Variants in HEMK2 observed in about 807,000 individuals in gnomAD.
HEMK2 encodes HemK methyltransferase 2, ETF1 glutamine and histone H4 lysine, also known as methyltransferase HEMK2.
the HEMK2 span, among the ~76,000 whole-genome samples, chr21:28,861,087 G>A: frequency 1.3e-5 from 2 of 152,204 alleles, no homozygotes; most frequent in African/African-American, 2.4e-5. Flanking sequence ...AATGTCTTGC[G>A]AAACAGATTC....
chr21:28,863,829 T>C, the HEMK2 span, among the ~76,000 whole-genome samples: 1 of 152,076 alleles, frequency 6.6e-6, no homozygotes, highest in Non-Finnish European at 1.5e-5. Context: ...GTCTTTTCTA[T>C]AATTTATTTA....
the HEMK2 span, among the ~76,000 whole-genome samples, chr21:28,618,322 CA>C: frequency 6.6e-6 from 1 of 152,096 alleles, no homozygotes; most frequent in African/African-American, 2.4e-5. Flanking sequence ...TTCACAAAAA[CA>C]AATATGTTTT....
chr21:28,814,991 C>T, the HEMK2 span, among the ~76,000 whole-genome samples: 1 of 152,054 alleles, frequency 6.6e-6, no homozygotes. Context: ...AAATGTCCAA[C>T]AATGATAGAC....
the HEMK2 span, among the ~76,000 whole-genome samples, chr21:28,814,162 G>T: frequency 6.6e-6 from 1 of 152,074 alleles, no homozygotes; most frequent in Non-Finnish European, 1.5e-5. Flanking sequence ...TCTTGAACCT[G>T]GGAGGCAGAG....
the HEMK2 span, among the ~76,000 whole-genome samples, chr21:28,591,943 G>C: frequency 6.6e-6 from 1 of 152,114 alleles, no homozygotes; most frequent in Non-Finnish European, 1.5e-5. Flanking sequence ...TCTTTATCCA[G>C]TCTACTATTG....
chr21:28,831,478 A>AGAAC, the HEMK2 span, among the ~76,000 whole-genome samples: 5 of 47,382 alleles, frequency 1.1e-4, no homozygotes, highest in East Asian at 2.9e-3. Context: ...AAAGAAAGAA[A>AGAAC]GAAAGAAAGA....
At chr21:28,821,163 A>C in the HEMK2 span, among the ~76,000 whole-genome samples, 1 of 152,082 alleles carries the variant, frequency 6.6e-6, no homozygotes, top group Admixed American at 6.6e-5. Flanking sequence ...TTTCCTGCCA[A>C]CCTTCCACTC....
At chr21:28,636,322 T>C in the HEMK2 span, among the ~76,000 whole-genome samples, 6 of 152,138 alleles carry the variant, frequency 3.9e-5, no homozygotes, top group Non-Finnish European at 7.3e-5. Context: ...CACCCCATGT[T>C]CTCCAGTTAG....
At chr21:28,823,360 G>A in the HEMK2 span, among the ~76,000 whole-genome samples, 5 of 152,168 alleles carry the variant, frequency 3.3e-5, no homozygotes, top group Non-Finnish European at 4.4e-5. Context: ...TCAATAGATC[G>A]TTGTTTGTTG....
the HEMK2 span, among the ~76,000 whole-genome samples, chr21:28,698,523 T>C: frequency 6.6e-6 from 1 of 152,124 alleles, no homozygotes; most frequent in Admixed American, 6.5e-5. Flanking sequence ...GAGATTCTTT[T>C]TTAAAGAATT....
At chr21:28,646,990 A>T in the HEMK2 span, among the ~76,000 whole-genome samples, 1 of 152,226 alleles carries the variant, frequency 6.6e-6, no homozygotes. Flanking sequence ...GGGGTGTGGT[A>T]AAGTCATATT....
At chr21:28,679,149 C>T in the HEMK2 span, among the ~76,000 whole-genome samples, 2 of 152,098 alleles carry the variant, frequency 1.3e-5, no homozygotes, top group Non-Finnish European at 2.9e-5. Flanking sequence ...TCAGGAAACC[C>T]ATCTCACATG....
the HEMK2 span, chr21:28,883,149 T>TAACA: frequency 4.3e-6 from 4 of 925,032 alleles, no homozygotes; most frequent in African/African-American, 1.7e-5. Flanking sequence ...TAGTGTTATT[T>TAACA]CTAGCATATA....
At chr21:28,670,322 T>TA in the HEMK2 span, among the ~76,000 whole-genome samples, 1 of 152,230 alleles carries the variant, frequency 6.6e-6, no homozygotes, top group South Asian at 2.1e-4. Flanking sequence ...AAAATATTCT[T>TA]AGTTTTATTT....
chr21:28,576,296 T>G, the HEMK2 span, among the ~76,000 whole-genome samples: 1 of 152,226 alleles, frequency 6.6e-6, no homozygotes, highest in South Asian at 2.1e-4. Flanking sequence ...AAGTGCTATC[T>G]CATTGCAGTC....
the HEMK2 span, among the ~76,000 whole-genome samples, chr21:28,821,145 TG>T: frequency 6.6e-5 from 10 of 152,358 alleles, 1 homozygote; most frequent in South Asian, 1.9e-3. Context: ...CAGTTTTTTT[TG>T]AAGATTTTTC....
chr21:28,769,093 G>A, the HEMK2 span, among the ~76,000 whole-genome samples: 1 of 152,018 alleles, frequency 6.6e-6, no homozygotes, highest in East Asian at 1.9e-4. Context: ...TAGCAGCCCT[G>A]GCAAACAAAC....
At chr21:28,810,998 C>T in the HEMK2 span, among the ~76,000 whole-genome samples, 2 of 152,146 alleles carry the variant, frequency 1.3e-5, no homozygotes, top group African/African-American at 4.8e-5. Context: ...AAGATTAAGT[C>T]CCTAACATGA....
the HEMK2 span, among the ~76,000 whole-genome samples, chr21:28,696,842 C>G: frequency 6.6e-6 from 1 of 152,232 alleles, no homozygotes; most frequent in Admixed American, 6.5e-5. Context: ...GCAGGCCCAA[C>G]ATCATGTGTA....
Sources: allele counts gnomAD v4.1 joint callset (sites outside exome capture counted in the v4.1 genomes callset), GRCh38; gene constraint gnomAD v4.1.1; transcripts MANE v1.5; gene names NCBI Gene and HGNC (gene_info 2026-07-23, HGNC 2026-07-21).